ZC3H12B: variants seen among roughly 807,000 people sequenced by gnomAD.
The protein encoded by ZC3H12B is probable ribonuclease ZC3H12B.
A neutral mutation model predicts 43.9 loss-of-function variants in ZC3H12B; 7 were observed. The observed-to-expected ratio is 0.16, with a 90% CI of 0.09 to 0.30. The LOEUF (loss-of-function observed/expected upper bound fraction) is 0.30. Among genes scored for constraint, ZC3H12B ranks in the 10% least tolerant of loss-of-function variants. The pLI, the probability that ZC3H12B is intolerant of heterozygous loss-of-function variation, is 1.00. For missense variants in ZC3H12B, 475 were observed against 670.2 expected, an observed-to-expected ratio of 0.71 and a Z score of 3.22; for synonymous variants, 222 against 241.7, an observed-to-expected ratio of 0.92 and a Z score of 0.76.
intron 2 of ZC3H12B, among the ~76,000 whole-genome samples, chrX:65,398,275 A>T (rs2066724276): frequency 8.9e-6 from 1 of 112,216 alleles, no homozygotes; most frequent in African/African-American, 3.2e-5. Flanking sequence ...ACAATTCTAA[A>T]TTTTATGGGG....
the ZC3H12B span, among the ~76,000 whole-genome samples, chrX:65,295,062 A>G: frequency 7.2e-5 from 8 of 111,830 alleles, no homozygotes; most frequent in African/African-American, 9.7e-5. Context: ...CATTCTATTC[A>G]TCAGCACATG....
At chrX:65,467,783 C>T (rs1254117665) in intron 3 of ZC3H12B, among the ~76,000 whole-genome samples, 1 of 112,255 alleles carries the variant, frequency 8.9e-6, no homozygotes, top group Non-Finnish European at 1.9e-5. Context: ...CACTTGCCCA[C>T]TTTTTGATGG....
At chrX:65,284,376 C>G in the ZC3H12B span, among the ~76,000 whole-genome samples, 1 of 110,867 alleles carries the variant, frequency 9.0e-6, no homozygotes, top group African/African-American at 3.3e-5. Context: ...ATTTAAAAGA[C>G]TGGTTTTAAA....
chrX:65,448,582 C>T (rs1043168833), intron 3 of ZC3H12B, among the ~76,000 whole-genome samples: 16 of 111,299 alleles, frequency 1.4e-4, no homozygotes, highest in South Asian at 3.8e-4. Flanking sequence ...TTTGTGAGGC[C>T]GACGTGGGTG....
At chrX:65,320,691 AAAG>A in the ZC3H12B span, among the ~76,000 whole-genome samples, 1 of 112,171 alleles carries the variant, frequency 8.9e-6, no homozygotes, top group African/African-American at 3.2e-5. Context: ...TACTGGTAAA[AAAG>A]CACACACATA....
chrX:65,042,503 A>G, the ZC3H12B span, among the ~76,000 whole-genome samples: 1 of 112,766 alleles, frequency 8.9e-6, no homozygotes, highest in Non-Finnish European at 1.9e-5. Flanking sequence ...TCTAATCTAG[A>G]TAGCCCTGAA....
chrX:65,277,169 C>A, the ZC3H12B span, among the ~76,000 whole-genome samples: 1 of 111,576 alleles, frequency 9.0e-6, no homozygotes, highest in Admixed American at 9.5e-5. Flanking sequence ...GAGAAAATAA[C>A]AGTTGTAAAT....
At chrX:65,086,649 A>G in the ZC3H12B span, among the ~76,000 whole-genome samples, 2 of 112,235 alleles carry the variant, frequency 1.8e-5, no homozygotes, top group Admixed American at 1.9e-4. Context: ...TCCTTCTGCT[A>G]TATGAGTTAC....
chrX:65,418,791 C>T (rs1387549977), intron 3 of ZC3H12B, among the ~76,000 whole-genome samples: 1 of 111,821 alleles, frequency 8.9e-6, no homozygotes, highest in East Asian at 2.8e-4. Context: ...AACCAGTATA[C>T]AGACCCAGAA....
intron 2 of ZC3H12B, among the ~76,000 whole-genome samples, chrX:65,384,594 G>A (rs2066495188): frequency 9.0e-6 from 1 of 110,926 alleles, no homozygotes; most frequent in Admixed American, 9.6e-5. Flanking sequence ...ATAAACTATT[G>A]CTATAGTTTA....
At chrX:65,488,088 G>A (rs947730104), upstream of ZC3H12B, among the ~76,000 whole-genome samples, 1 of 110,506 alleles carries the variant, frequency 9.0e-6, no homozygotes, top group African/African-American at 3.3e-5. Context: ...AGCCAGGATG[G>A]TCTCGATCTC....
the ZC3H12B span, among the ~76,000 whole-genome samples, chrX:65,225,051 G>C: frequency 8.9e-6 from 1 of 111,886 alleles, no homozygotes; most frequent in Non-Finnish European, 1.9e-5. Context: ...CTGGAGATCT[G>C]AGAATGGGTA....
chrX:65,302,786 A>G, the ZC3H12B span, among the ~76,000 whole-genome samples: 1 of 112,374 alleles, frequency 8.9e-6, no homozygotes, highest in Non-Finnish European at 1.9e-5. Context: ...TCAAGGCAGT[A>G]CGATACTGTC....
chrX:65,324,132 C>T, the ZC3H12B span, among the ~76,000 whole-genome samples: 1 of 112,058 alleles, frequency 8.9e-6, no homozygotes, highest in Non-Finnish European at 1.9e-5. Flanking sequence ...AATATTCTCC[C>T]ATTCTGTAGG....
At chrX:65,304,662 G>A in the ZC3H12B span, among the ~76,000 whole-genome samples, 1 of 108,934 alleles carries the variant, frequency 9.2e-6, no homozygotes, top group African/African-American at 3.3e-5. Context: ...ATATCTCACA[G>A]TGTACAATAA....
At chrX:65,239,829 G>A in the ZC3H12B span, among the ~76,000 whole-genome samples, 16 of 111,784 alleles carry the variant, frequency 1.4e-4, no homozygotes, top group Admixed American at 5.7e-4. Context: ...TCTCTCACTT[G>A]TGAAGCTTAG....
the ZC3H12B span, among the ~76,000 whole-genome samples, chrX:65,170,220 G>A: frequency 9.0e-6 from 1 of 111,465 alleles, no homozygotes; most frequent in East Asian, 2.8e-4. Context: ...CTCTTGTAAG[G>A]CAGGCCCGGT....
chrX:65,147,993 G>A, the ZC3H12B span, among the ~76,000 whole-genome samples: 1 of 110,823 alleles, frequency 9.0e-6, no homozygotes, highest in Non-Finnish European at 1.9e-5. Flanking sequence ...ATGTAGGCTG[G>A]CCTGGAACCT....
chrX:65,206,393 C>A, the ZC3H12B span, among the ~76,000 whole-genome samples: 149 of 111,563 alleles, frequency 1.3e-3, no homozygotes, highest in African/African-American at 4.6e-3. Context: ...GACAAAGCAA[C>A]AAAAACATAA....
Sources: allele counts gnomAD v4.1 joint callset (sites outside exome capture counted in the v4.1 genomes callset), GRCh38; gene constraint gnomAD v4.1.1; transcripts MANE v1.5; gene names NCBI Gene and HGNC (gene_info 2026-07-23, HGNC 2026-07-21).